The following RALYL variants were observed in gnomAD, a reference collection of about 807,000 sequenced individuals.
The protein encoded by RALYL is RALY RNA binding protein like, also known as RNA-binding Raly-like protein.
A neutral mutation model predicts 35.1 loss-of-function variants in RALYL; 29 were observed. The observed-to-expected ratio is 0.83, with a 90% CI of 0.61 to 1.13. The LOEUF (loss-of-function observed/expected upper bound fraction) is 1.13. Among genes scored for constraint, RALYL ranks in the 50% most tolerant of loss-of-function variants. RALYL has a pLI of 0.00. For missense variants in RALYL, 359 were observed against 360.4 expected (o/e 1.00, Z 0.03); for synonymous variants, 120 against 127.6 (o/e 0.94, Z 0.40).
intron 2 of RALYL, among the ~76,000 whole-genome samples, chr8:84,554,497 T>C (rs1308205508): frequency 6.6e-6 from 1 of 152,176 alleles, no homozygotes; most frequent in Non-Finnish European, 1.5e-5. Flanking sequence ...GAACCAAAAA[T>C]ATTAAAACAT....
intron 1 of RALYL, among the ~76,000 whole-genome samples, chr8:84,523,518 T>A (rs1564081910): frequency 1.3e-5 from 2 of 151,530 alleles, no homozygotes; most frequent in Non-Finnish European, 2.9e-5. Flanking sequence ...TTTATTTTTT[T>A]ATTTTTTTTA....
In RALYL at chr8:84,791,247, G is replaced by A. The variant is rs974969847; in HGVS notation, c.333-13523G>A. Among the ~76,000 whole-genome samples, 6 of 152,276 alleles carry A rather than the reference G, an allele frequency of 3.9e-5. No individual in the cohort carries two copies. The South Asian group carries it at 8.3e-4, about 21-fold the overall frequency. ...GTGAAGGGGGTGATGAGCAGGCAAA[G>A]TGATGCCTGGGGAAAAGCATTCTAG... is the stretch of plus-strand genomic sequence containing the variant. On this transcript the variant is annotated intron_variant, in intron 3 of 8. Coordinates refer to ENST00000521268, the MANE Select transcript of RALYL (RefSeq NM_173848.7).
At chr8:84,684,709 A>G (rs192862681) in intron 2 of RALYL, among the ~76,000 whole-genome samples, 523 of 152,306 alleles carry the variant, frequency 3.4e-3, no homozygotes, top group African/African-American at 0.012. Flanking sequence ...AAGATACCCA[A>G]ACTTTTTTCT....
At chr8:84,792,415 G>T (rs1463815400) in intron 3 of RALYL, among the ~76,000 whole-genome samples, 1 of 152,174 alleles carries the variant, frequency 6.6e-6, no homozygotes, top group African/African-American at 2.4e-5. Context: ...TCTCTCTGCT[G>T]CACCGTTCTG....
At chr8:84,440,870 T>C (rs1447023583) in intron 1 of RALYL, among the ~76,000 whole-genome samples, 1 of 152,088 alleles carries the variant, frequency 6.6e-6, no homozygotes, top group Non-Finnish European at 1.5e-5. Flanking sequence ...TTCATTTAAC[T>C]TGATTTAATC....
intron 2 of RALYL, among the ~76,000 whole-genome samples, chr8:84,772,188 C>T (rs546058678): frequency 1.3e-5 from 2 of 152,074 alleles, no homozygotes; most frequent in South Asian, 2.1e-4. Flanking sequence ...GTCATATATA[C>T]GTGTGTGTAT....
chr8:84,255,306 A>G (rs16912618), intron 1 of RALYL, among the ~76,000 whole-genome samples: 4,425 of 152,224 alleles, frequency 0.029, 94 homozygotes, highest in East Asian at 0.12. Context: ...ATGTCATGTA[A>G]AAGTAATTTG....
chr8:84,600,023 G>T (rs186399764), intron 2 of RALYL, among the ~76,000 whole-genome samples: 9 of 147,752 alleles, frequency 6.1e-5, no homozygotes, highest in African/African-American at 2.0e-4. Context: ...TTTTTATGTT[G>T]CCAATCTTTG....
At chr8:84,848,383 T>TTG (rs79114621) in intron 4 of RALYL, among the ~76,000 whole-genome samples, 3 of 150,892 alleles carry the variant, frequency 2.0e-5, no homozygotes, top group African/African-American at 4.9e-5. Flanking sequence ...TTTAAATATT[T>TTG]TGTGTGTGTG....
chr8:84,903,892 T>C (rs1444050045), intron 8 of RALYL, among the ~76,000 whole-genome samples: 1 of 152,182 alleles, frequency 6.6e-6, no homozygotes, highest in African/African-American at 2.4e-5. Flanking sequence ...TCTAGATATG[T>C]GTTTTGCCCT....
chr8:84,568,478 T>C (rs1301757572), intron 2 of RALYL, among the ~76,000 whole-genome samples: 4 of 150,380 alleles, frequency 2.7e-5, no homozygotes, highest in South Asian at 2.1e-4. Context: ...GTTCCAAGTC[T>C]TTGCTATTGT....
intron 4 of RALYL, among the ~76,000 whole-genome samples, chr8:84,822,285 G>C (rs1301490000): frequency 1.3e-5 from 2 of 152,120 alleles, no homozygotes; most frequent in Admixed American, 6.6e-5. Flanking sequence ...CCCATGGCAG[G>C]CTAAGCACTC....
chr8:84,385,552 TG>T (rs1412142942), intron 1 of RALYL, among the ~76,000 whole-genome samples: 1 of 151,844 alleles, frequency 6.6e-6, no homozygotes, highest in Admixed American at 6.6e-5. Context: ...CTTCCTGTCT[TG>T]GGTGTAAAAG....
At chr8:84,715,820 T>C (rs1349556479) in intron 2 of RALYL, among the ~76,000 whole-genome samples, 1 of 152,106 alleles carries the variant, frequency 6.6e-6, no homozygotes, top group Non-Finnish European at 1.5e-5. Context: ...ATTCTAACAA[T>C]GGAATTTCTG....
intron 5 of RALYL, among the ~76,000 whole-genome samples, chr8:84,853,250 C>A (rs2134866255): frequency 6.6e-6 from 1 of 152,256 alleles, no homozygotes; most frequent in East Asian, 1.9e-4. Context: ...TGGTAACTAG[C>A]CTTGTAACTT....
intron 1 of RALYL, among the ~76,000 whole-genome samples, chr8:84,268,317 T>C (rs1563640178): frequency 1.3e-5 from 2 of 152,312 alleles, no homozygotes; most frequent in South Asian, 2.1e-4. Context: ...GGCCATTAGC[T>C]GACTTCTGCC....
chr8:84,246,318 G>A (rs1352645569), intron 1 of RALYL, among the ~76,000 whole-genome samples: 1 of 152,094 alleles, frequency 6.6e-6, no homozygotes, highest in East Asian at 1.9e-4. Flanking sequence ...GTAGTGAATA[G>A]AAACTGTTTT....
intron 1 of RALYL, among the ~76,000 whole-genome samples, chr8:84,190,865 C>T (rs904264647): frequency 7.0e-6 from 1 of 142,410 alleles, no homozygotes; most frequent in African/African-American, 3.0e-5. Context: ...AATTTGGGAA[C>T]ATCTGCTTTT....
chr8:84,816,735 G>A (rs1216968500), intron 4 of RALYL, among the ~76,000 whole-genome samples: 1 of 152,012 alleles, frequency 6.6e-6, no homozygotes, highest in Non-Finnish European at 1.5e-5. Flanking sequence ...TAACATAATT[G>A]TACATCTTAA....
Sources: allele counts gnomAD v4.1 joint callset (sites outside exome capture counted in the v4.1 genomes callset), GRCh38; gene constraint gnomAD v4.1.1; transcripts MANE v1.5; gene names NCBI Gene and HGNC (gene_info 2026-07-23, HGNC 2026-07-21).